Variants in GBP3 observed in about 807,000 individuals in gnomAD.
GBP3 encodes guanylate binding protein 3.
In GBP3, 55 loss-of-function variants were observed where a neutral mutation model predicts 62.4. That is an observed-to-expected ratio of 0.88 (90% CI 0.71 to 1.10). The LOEUF is 1.10. Ranked by LOEUF, GBP3 falls within the 50% of genes least tolerant of loss-of-function variation. The pLI is 0.00. For synonymous variants in GBP3, 208 were observed against 259.2 expected, an observed-to-expected ratio of 0.80 and a Z score of 1.90; for missense variants, 605 against 690.6, an observed-to-expected ratio of 0.88 and a Z score of 1.39.
chr1:89,018,044 A>G (rs1008979765), intron 2 of GBP3, among the ~76,000 whole-genome samples: 3 of 151,652 alleles, frequency 2.0e-5, no homozygotes, highest in Non-Finnish European at 4.4e-5. Flanking sequence ...GTGCCACTGC[A>G]CTCCAGCCTG....
chr1:89,012,444 C>T (rs750049339), intron 6 of GBP3, among the ~76,000 whole-genome samples: 1 of 138,852 alleles, frequency 7.2e-6, no homozygotes, highest in African/African-American at 2.5e-5. Flanking sequence ...AGGAGCCCTC[C>T]GTTTGGTTTA....
Position 89,014,576 on chromosome 1 carries a change from G to T in GBP3, c.399C>A (p.Thr133=), listed in dbSNP as rs889894541. ...SSTLVYNSMG[T]INQQAMDQLY... ...GTTGGTCCATAGCCTGCTGGTTGATGGTTCCCATGCTATTGTACACGAGAG... is the reference window on the plus strand; with the variant it reads ...GTTGGTCCATAGCCTGCTGGTTGATTGTTCCCATGCTATTGTACACGAGAG... Residue 133 remains threonine (T), a synonymous_variant, in exon 4 of 11, where the codon ACC becomes ACA. Transcript: ENST00000370481. 4 of 1,613,994 alleles carry T rather than the reference G, an allele frequency of 2.5e-6. No homozygotes were observed. In the African/African-American group the frequency reaches 5.3e-5, roughly 22 times the overall value.
intron 1 of GBP3, 83 bp downstream of exon 1, chr1:89,022,601 C>T (rs1679308039): frequency 6.6e-6 from 1 of 152,184 alleles, no homozygotes; most frequent in Admixed American, 6.5e-5. Flanking sequence ...AAATTCCTTC[C>T]CATCCTTGCC....
Position 89,013,392 on chromosome 1 carries a change from G to C in GBP3, c.661C>G (p.Arg221Gly). 1 of 1,612,338 alleles carries C rather than the reference G, an allele frequency of 6.2e-7. No individual in the cohort carries two copies. The highest frequency in any genetic ancestry group is 8.5e-7 in the Non-Finnish European group (1 of 1,179,462). ...GGGAAGAACTTCCGGATACAGAGTC[G>C]GGGCAGATTAAAATTTTTATCTTTT... ...SQKDKNFNLPRLCIRKFFPKK... is the reference protein window; with the variant it reads ...SQKDKNFNLPGLCIRKFFPKK... The change falls in exon 6 of 11, where the codon CGA becomes GGA. Residue 221 changes from arginine (R) to glycine (G), a missense_variant. Arg to Gly is a moderately radical substitution (Grantham distance 125). Transcript: ENST00000370481.
Position 89,013,432 on chromosome 1 carries a change from A to C in GBP3, c.626-5T>G. The C allele has an allele frequency of 6.2e-7, 1 of 1,600,016 alleles. No homozygotes were observed. The highest frequency in any genetic ancestry group is 1.4e-5 in the African/African-American group (1 of 73,832). ...TTTTATCTTTTTGACTGGTACCTAG[A>C]GAAACATAATAAAGAAATTTGCCTA... is the stretch of plus-strand genomic sequence containing the variant. On this transcript the variant is annotated splice_polypyrimidine_tract_variant and splice_region_variant and intron_variant, in intron 5 of 10. Transcript: ENST00000370481.
Position 89,006,881 on chromosome 1 carries a change from A to G in GBP3, c.*843T>C, listed in dbSNP as rs1678245286. The G allele has an allele frequency of 6.6e-6, 1 of 152,246 alleles. No homozygotes were observed. The highest frequency in any genetic ancestry group is 1.9e-4 in the East Asian group (1 of 5,206). The allele number at this position is 152,246 out of a possible 1,614,324, so 9.4% of individuals were successfully genotyped here. A position where few individuals can be genotyped will look rare whatever the true frequency, so the allele number is the denominator to read the frequency against. ...GGGGAAAATTGGCAGGATTTCAAGT[A>G]TGACCTTTAAGAATCAGGAAAAGAC... On this transcript the variant is annotated 3_prime_UTR_variant, in exon 11 of 11. Coordinates refer to ENST00000370481, the MANE Select transcript of GBP3 (RefSeq NM_018284.3).
Position 89,011,095 on chromosome 1 carries a change from C to T in GBP3, c.1171G>A (p.Asp391Asn). Residue 391 changes from aspartate to asparagine, a missense_variant, in exon 8 of 11, where the codon GAT becomes AAT. Asp to Asn is a conservative substitution (Grantham distance 23, BLOSUM62 1). This residue lies in a region of GBP3 where 137 missense variants were observed against 224.7 expected (regional missense o/e 0.61). Transcript: ENST00000370481. ...TCTTGATTCTGTTTACAAAAGTCAT[C>T]CCGCTTTTTGTCTAGCTGGGCCTTT... ...KLAAQLDKKR[D>N]DFCKQNQEAS... 2.1e-6 allele frequency: 3 copies of T among 1,461,878 alleles called. No homozygotes were observed. The highest frequency in any genetic ancestry group is 2.8e-6 in the Non-Finnish European group (3 of 1,054,994). 90.6% of individuals were successfully genotyped at this position (1,461,878 alleles called of 1,614,324 possible). A position where few individuals can be genotyped will look rare whatever the true frequency, so the allele number is the denominator to read the frequency against.
At chr1:89,009,632 C>G in intron 8 of GBP3, 138 bp from the exon 9 acceptor site, 2 of 1,226,914 alleles carry the variant, frequency 1.6e-6, no homozygotes, top group South Asian at 3.0e-5. Flanking sequence ...TTCCCTATCA[C>G]AGGGCCAGAT....
intron 8 of GBP3, among the ~76,000 whole-genome samples, chr1:89,009,900 A>T (rs1678459463): frequency 6.6e-6 from 1 of 152,168 alleles, no homozygotes; most frequent in African/African-American, 2.4e-5. Context: ...AGAGAGACAG[A>T]TCATGACATT....
chr1:89,014,122 G>T lies in GBP3; in HGVS notation c.586C>A (p.Pro196Thr). The T allele has an allele frequency of 4.3e-6, 7 of 1,614,182 alleles. No individual in the cohort carries two copies. The highest frequency in any genetic ancestry group is 5.1e-6 in the Non-Finnish European group (6 of 1,180,012). Residue 196 changes from proline to threonine, a missense_variant, in exon 5 of 11, where the codon CCA (proline) becomes ACA (threonine). Pro to Thr is a conservative substitution (Grantham distance 38). This residue lies in a region of GBP3 where 308 missense variants were observed against 318.0 expected (regional missense o/e 0.97). Transcript: ENST00000370481. ...AGGGAATACTCCAGGTACTCATCTG[G>T]TGTGAGGGGTTGTCCATCTGCTTCC... ...DLEADGQPLTPDEYLEYSLKL... is the reference protein window; with the variant it reads ...DLEADGQPLTTDEYLEYSLKL...
intron 2 of GBP3, among the ~76,000 whole-genome samples, chr1:89,017,679 A>C (rs948971788): frequency 6.6e-6 from 1 of 152,264 alleles, no homozygotes; most frequent in Non-Finnish European, 1.5e-5. Context: ...AAGAATGGCC[A>C]ATAAGCACCT....
In GBP3 at chr1:89,012,323, G is replaced by A. The variant is rs753450948; in HGVS notation, c.869-296C>T. 4.3e-5 allele frequency among the ~76,000 whole-genome samples: 6 copies of A among 138,994 alleles called. 1 individual carries two copies. The highest frequency in any genetic ancestry group is 9.9e-5 in the Non-Finnish European group (6 of 60,312). The allele number at this position is 138,994 out of a possible 152,430, so 91.2% of individuals were successfully genotyped here. A position where few individuals can be genotyped will look rare whatever the true frequency, so the allele number is the denominator to read the frequency against. On this transcript the variant is annotated intron_variant, in intron 6 of 10. Transcript: ENST00000370481. The stretch of plus-strand genomic sequence containing the variant: ...ATGTTTGCATCCATTTCAACCCCAA[G>A]CACCATCAGGAAAGGAACCCATAGC...
At chr1:89,016,303 G>C (rs1451479771) in intron 2 of GBP3, among the ~76,000 whole-genome samples, 1 of 152,080 alleles carries the variant, frequency 6.6e-6, no homozygotes, top group Non-Finnish European at 1.5e-5. Context: ...TCAGCAGATC[G>C]AGACCATCTG....
At chr1:89,007,991 T>C in intron 10 of GBP3, 139 bp from the exon 11 acceptor site, 1 of 775,070 alleles carries the variant, frequency 1.3e-6, no homozygotes, top group Non-Finnish European at 1.9e-6. Flanking sequence ...TTAATTATAG[T>C]TTTTCTGGGC....
Position 89,013,343 on chromosome 1 carries a change from T to C in GBP3, c.710A>G (p.Asp237Gly), listed in dbSNP as rs373542431. 16 of 1,614,202 alleles carry C rather than the reference T, an allele frequency of 9.9e-6. No homozygotes were observed. The highest frequency in any genetic ancestry group is 4.0e-5 in the African/African-American group (3 of 75,048). ...FFPKKKCFVF[D>G]LPIHRRKLAQ... ...AAGCTTCCTGCGGTGAATGGGCAGA[T>C]CGAAGACAAAACATTTTTTCTTTGG... The change falls in exon 6 of 11, where the codon GAT (aspartate) becomes GGT (glycine). Residue 237 changes from aspartate to glycine, a missense_variant. Asp to Gly is a moderately conservative substitution (Grantham distance 94, BLOSUM62 -1). Around this residue, in one of 3 missense-constraint regions of GBP3, gnomAD observed 308 missense variants for 318.0 expected, o/e 0.97. Transcript: ENST00000370481.
Position 89,020,573 on chromosome 1 carries a change from C to T in GBP3, c.149G>A (p.Gly50Glu). The T allele has an allele frequency of 6.2e-7, 1 of 1,614,164 alleles. No homozygotes were observed. The highest frequency in any genetic ancestry group is 8.5e-7 in the Non-Finnish European group (1 of 1,180,020). Residue 50 changes from glycine (G) to glutamate (E), a missense_variant, in exon 2 of 11, where the codon GGA becomes GAA. By Grantham distance (98) the Gly-to-Glu change is moderately conservative. Coordinates refer to ENST00000370481, the MANE Select transcript of GBP3 (RefSeq NM_018284.3). ...TAGCTTGTTCATCAGGTAGGATTTT[C>T]CTGTGCGGTAGAGGCCCACAATTGC... ...VVAIVGLYRT[G>E]KSYLMNKLAG...
Position 89,009,507 on chromosome 1 carries a change from A to G in GBP3, c.1363-13T>C. The G allele has an allele frequency of 6.2e-7, 1 of 1,612,772 alleles. No homozygotes were observed. The highest frequency in any genetic ancestry group is 1.1e-5 in the South Asian group (1 of 90,700). ...GAATCTCTTCAGCCTTAGGACCCAG[A>G]GAACACAGAGTGAGAAGTAGGAAAT... is the stretch of plus-strand genomic sequence containing the variant. On this transcript the variant is annotated splice_polypyrimidine_tract_variant and intron_variant, in intron 8 of 10. Transcript: ENST00000370481.
At chr1:89,020,206 TC>T in intron 2 of GBP3, 1 of 410,878 alleles carries the variant, frequency 2.4e-6, no homozygotes, top group Non-Finnish European at 4.8e-6. Flanking sequence ...GCCACTGTAC[TC>T]CAGCCTGGGG....
In GBP3 at chr1:89,014,196, C is replaced by G; in HGVS notation, c.512G>C (p.Ser171Thr). 6.2e-7 allele frequency: 1 copy of G among 1,614,192 alleles called. No homozygotes were observed. The highest frequency in any genetic ancestry group is 1.3e-5 in the African/African-American group (1 of 75,058). The part of the protein sequence containing the change: ...NENEDSADFV[S>T]FFPDFVWTLR... ...TGTCCACACAAAATCTGGGAAGAAG[C>G]TCACAAAGTCAGCTGAATCCTCATT... Residue 171 changes from serine to threonine, a missense_variant, in exon 5 of 11, where the codon AGC (serine) becomes ACC (threonine). Physicochemically the swap from Ser to Thr is moderately conservative, Grantham distance 58. Transcript: ENST00000370481.
Sources: allele counts gnomAD v4.1 joint callset (sites outside exome capture counted in the v4.1 genomes callset), GRCh38; gene constraint gnomAD v4.1.1; regional missense constraint gnomAD v4.1.1; transcripts MANE v1.5; gene names NCBI Gene and HGNC (gene_info 2026-07-23, HGNC 2026-07-21).